The following DDX60 variants were observed in gnomAD, a reference collection of about 807,000 sequenced individuals.
The protein encoded by DDX60 is probable ATP-dependent RNA helicase DDX60.
Under a neutral mutation model 212.8 loss-of-function variants are expected in DDX60, and 165 were observed. The ratio of observed to expected loss-of-function variants is 0.78; its 90% CI spans 0.68 to 0.88. The LOEUF (loss-of-function observed/expected upper bound fraction) is 0.88. DDX60 is among the 40% of genes least tolerant of loss of function. The pLI, the probability that DDX60 is intolerant of heterozygous loss-of-function variation, is 0.00. For missense variants in DDX60, 1,905 were observed against 2,003.9 expected (o/e 0.95, Z 0.94); for synonymous variants, 703 against 685.3 (o/e 1.03, Z -0.40).
chr4:168,268,077 A>C (rs1016565985), intron 20 of DDX60, 94 bp from the exon 21 acceptor site: 3 of 1,126,164 alleles, frequency 2.7e-6, no homozygotes, highest in Non-Finnish European at 3.8e-6. Flanking sequence ...CATCTTCCTT[A>C]TAAAGTGTAC....
At chr4:168,308,852 G>C (rs1425270371) in intron 3 of DDX60, among the ~76,000 whole-genome samples, 2 of 151,616 alleles carry the variant, frequency 1.3e-5, no homozygotes, top group Non-Finnish European at 2.9e-5. Context: ...AAACCGTGCA[G>C]CCTACAAATA....
In DDX60 at chr4:168,252,560, C is replaced by G; in HGVS notation, c.3654G>C (p.Leu1218=). The G allele has an allele frequency of 6.2e-7, 1 of 1,613,926 alleles. No homozygotes were observed. The highest frequency in any genetic ancestry group is 8.5e-7 in the Non-Finnish European group (1 of 1,179,926). ...CATATGTGCAGTCCTGTGGGATTTC[C>G]AGGTTCTTCTCTAGACACTTCACTA... ...DNLVKCLEKN[L]EIPQDCTYAD... Residue 1218 remains leucine (L), a synonymous_variant, in exon 27 of 38, where the codon CTG becomes CTC. Coordinates refer to ENST00000393743, the MANE Select transcript of DDX60 (RefSeq NM_017631.6).
intron 1 of DDX60, among the ~76,000 whole-genome samples, chr4:168,315,874 C>A (rs781027628): frequency 2.6e-5 from 4 of 152,166 alleles, no homozygotes; most frequent in Admixed American, 1.3e-4. Context: ...GTAAATAGTG[C>A]TGCAATCAAC....
At chr4:168,228,800 G>T (rs573866192) in intron 33 of DDX60, among the ~76,000 whole-genome samples, 1 of 151,714 alleles carries the variant, frequency 6.6e-6, no homozygotes, top group South Asian at 2.1e-4. Context: ...TTTTTTCTAT[G>T]TACCTAAAGT....
chr4:168,269,207 C>T (rs1251069030), intron 19 of DDX60, among the ~76,000 whole-genome samples: 2 of 152,164 alleles, frequency 1.3e-5, no homozygotes, highest in African/African-American at 4.8e-5. Context: ...TACTGCCAAC[C>T]TAGCTACTCT....
chr4:168,280,631 A>G, intron 13 of DDX60, 41 bp from the exon 14 acceptor site: 1 of 1,555,534 alleles, frequency 6.4e-7, no homozygotes, highest in Non-Finnish European at 8.6e-7. Flanking sequence ...CAAGTTGAAA[A>G]TATTCCAAGA....
At chr4:168,237,930 A>C in intron 30 of DDX60, 135 bp from the exon 31 acceptor site, 1 of 610,404 alleles carries the variant, frequency 1.6e-6, no homozygotes, top group Non-Finnish European at 2.6e-6. Context: ...ATTTGATTTC[A>C]TATTATTTTA....
intron 19 of DDX60, among the ~76,000 whole-genome samples, chr4:168,270,199 C>T (rs1250045963): frequency 2.6e-5 from 4 of 152,178 alleles, no homozygotes; most frequent in Admixed American, 2.6e-4. Context: ...GGAGGCACTC[C>T]TTAAATATCT....
intron 22 of DDX60, among the ~76,000 whole-genome samples, chr4:168,264,827 C>T (rs1734772107): frequency 6.6e-6 from 1 of 152,160 alleles, no homozygotes; most frequent in Non-Finnish European, 1.5e-5. Context: ...TTCTCCACTA[C>T]ACAGTGACTA....
intron 8 of DDX60, among the ~76,000 whole-genome samples, chr4:168,288,792 G>T (rs978569577): frequency 6.6e-6 from 1 of 152,122 alleles, no homozygotes; most frequent in Non-Finnish European, 1.5e-5. Flanking sequence ...TACCTGGCTG[G>T]TCTCCATGCT....
chr4:168,240,140 T>C (rs898140405), intron 30 of DDX60, among the ~76,000 whole-genome samples: 6 of 152,140 alleles, frequency 3.9e-5, no homozygotes, highest in Admixed American at 3.9e-4. Flanking sequence ...ACAAAATCAA[T>C]GTGCAAAAAT....
intron 13 of DDX60, among the ~76,000 whole-genome samples, chr4:168,281,666 C>T (rs1456724653): frequency 2.0e-5 from 3 of 152,180 alleles, no homozygotes; most frequent in Non-Finnish European, 2.9e-5. Flanking sequence ...CATTAATCTA[C>T]AAAGACAAAT....
At chr4:168,240,149 A>C (rs1733787877) in intron 30 of DDX60, among the ~76,000 whole-genome samples, 1 of 152,162 alleles carries the variant, frequency 6.6e-6, no homozygotes, top group Admixed American at 6.5e-5. Flanking sequence ...ATGTGCAAAA[A>C]TCACAGGCAT....
chr4:168,253,527 A>C (rs1350554651), intron 26 of DDX60, among the ~76,000 whole-genome samples: 1 of 152,138 alleles, frequency 6.6e-6, no homozygotes, highest in Non-Finnish European at 1.5e-5. Flanking sequence ...GGGGATGGGA[A>C]ATAGCCCACA....
At chr4:168,307,511 A>G (rs1736936814) in intron 4 of DDX60, among the ~76,000 whole-genome samples, 1 of 152,104 alleles carries the variant, frequency 6.6e-6, no homozygotes. Context: ...TGGCGTGATC[A>G]TGGCTCACTG....
intron 28 of DDX60, 118 bp from the exon 29 acceptor site, chr4:168,248,410 C>T (rs1734096340): frequency 1.6e-6 from 1 of 626,568 alleles, no homozygotes; most frequent in Admixed American, 3.4e-5. Context: ...AATGGGAAAG[C>T]TAGAGAAACT....
Position 168,216,937 on chromosome 4 carries a change from A to G in DDX60, c.5135T>C (p.Val1712Ala), listed in dbSNP as rs747879641. ...TGGTTTGCATAGACTTTGTTTTTAG[A>G]CTTTGTTTAACTTTTCCCAAAAAGT... ...STTFWEKLNK[V>A] The change falls in exon 38 of 38, where the codon GTC becomes GCC. Residue 1712 changes from valine to alanine, a missense_variant. By Grantham distance (64) the Val-to-Ala change is moderately conservative. Transcript: ENST00000393743. 5.0e-6 allele frequency: 8 copies of G among 1,592,682 alleles called. No homozygotes were observed. The highest frequency in any genetic ancestry group is 6.0e-6 in the Non-Finnish European group (7 of 1,171,726).
At chr4:168,248,413 G>A (rs1274905996) in intron 28 of DDX60, 121 bp from the exon 29 acceptor site, 2 of 630,076 alleles carry the variant, frequency 3.2e-6, no homozygotes, top group East Asian at 3.0e-5. Flanking sequence ...GGGAAAGCTA[G>A]AGAAACTAGA....
intron 5 of DDX60, among the ~76,000 whole-genome samples, chr4:168,304,543 A>C (rs1036872142): frequency 1.2e-4 from 18 of 152,188 alleles, no homozygotes; most frequent in Admixed American, 1.0e-3. Context: ...TCTACAAAAA[A>C]TACAAAAATT....
Sources: gnomAD v4.1 joint callset for allele counts (sites outside exome capture counted in the v4.1 genomes callset) on GRCh38, gnomAD v4.1.1 for gene constraint, MANE v1.5 for transcripts, NCBI Gene and HGNC (gene_info 2026-07-23, HGNC 2026-07-21) for gene names.